TSNARE1: variants seen among roughly 807,000 people sequenced by gnomAD.
TSNARE1 encodes t-SNARE domain containing 1.
TSNARE1 carries 49 observed loss-of-function variants against 62.0 expected under a neutral mutation model. The ratio of observed to expected loss-of-function variants is 0.79; its 90% CI spans 0.63 to 1.00. TSNARE1 has a LOEUF of 1.00. Ranked by LOEUF, TSNARE1 falls within the 50% of genes least tolerant of loss-of-function variation. The pLI is 0.00. For synonymous variants in TSNARE1, 328 were observed against 294.4 expected (o/e 1.11, Z -1.17); for missense variants, 755 against 700.1 (o/e 1.08, Z -0.88).
At chr8:142,313,029 T>C (rs1193866309) in intron 9 of TSNARE1, among the ~76,000 whole-genome samples, 1 of 152,236 alleles carries the variant, frequency 6.6e-6, no homozygotes, top group Non-Finnish European at 1.5e-5. Context: ...GGTGTCTATC[T>C]GCATGTGTCT....
chr8:142,271,709 G>A, intron 12 of TSNARE1: 1 of 1,354,498 alleles, frequency 7.4e-7, no homozygotes, highest in African/African-American at 1.5e-5. Context: ...AGGGAGACAG[G>A]AAAATGTCAG....
At chr8:142,374,560 T>A (rs1001463110) in intron 1 of TSNARE1, among the ~76,000 whole-genome samples, 3 of 151,128 alleles carry the variant, frequency 2.0e-5, no homozygotes, top group Admixed American at 6.6e-5. Context: ...GCGCCTGTAG[T>A]CCCAGGCTAC....
At chr8:142,318,718 G>T (rs1828977801) in intron 6 of TSNARE1, 84 bp from the exon 7 acceptor site, 1 of 1,347,334 alleles carries the variant, frequency 7.4e-7, no homozygotes, top group South Asian at 1.2e-5. Flanking sequence ...AGCAAGCAGG[G>T]ACGCACGGGC....
At chr8:142,317,884 G>T (rs1828829296) in intron 7 of TSNARE1, among the ~76,000 whole-genome samples, 1 of 152,194 alleles carries the variant, frequency 6.6e-6, no homozygotes, top group Non-Finnish European at 1.5e-5. Context: ...CTTGAACCCT[G>T]GGGGCAGAAG....
intron 9 of TSNARE1, among the ~76,000 whole-genome samples, chr8:142,303,081 A>T (rs1826037593): frequency 6.6e-6 from 1 of 152,112 alleles, no homozygotes; most frequent in African/African-American, 2.4e-5. Context: ...GGCTCACAGG[A>T]CCTGCTCTGC....
intron 5 of TSNARE1, 143 bp downstream of exon 5, chr8:142,331,611 G>C (rs568870990): frequency 1.9e-5 from 14 of 751,846 alleles, no homozygotes; most frequent in South Asian, 1.3e-4. Flanking sequence ...ATCCAACGTC[G>C]CATCAGTGGA....
intron 12 of TSNARE1, among the ~76,000 whole-genome samples, chr8:142,253,489 C>T (rs1367956996): frequency 1.3e-5 from 2 of 148,934 alleles, no homozygotes; most frequent in East Asian, 4.0e-4. Flanking sequence ...CCCCCAGTCA[C>T]CAGCTCCAGT....
chr8:142,305,547 G>A (rs1179952481), intron 9 of TSNARE1, among the ~76,000 whole-genome samples: 1 of 152,192 alleles, frequency 6.6e-6, no homozygotes, highest in Non-Finnish European at 1.5e-5. Flanking sequence ...CACAGCGGGA[G>A]GATCGGGGGC....
At position 142,270,888 on chromosome 8, in the gene TSNARE1, C is replaced by A. The variant is rs192668275; in HGVS notation, c.1446+3893G>T. The A allele has an allele frequency of 9.8e-3, 9,630 of 985,574 alleles. 57 individuals are homozygous for A. The highest frequency in any genetic ancestry group is 0.011 in the Non-Finnish European group (8,971 of 830,034). 61.1% of individuals were successfully genotyped at this position (985,574 alleles called of 1,614,324 possible). On this transcript the variant is annotated intron_variant, in intron 12 of 13. Transcript: ENST00000524325. ...TGCAGCCTTTCCCTGCAGGTCACCA[C>A]CCTCTACAGGCAATGGCAAGGACGC...
intron 9 of TSNARE1, among the ~76,000 whole-genome samples, chr8:142,309,179 A>T (rs1404730473): frequency 6.6e-6 from 1 of 152,202 alleles, no homozygotes; most frequent in Non-Finnish European, 1.5e-5. Flanking sequence ...AGCACGCTAC[A>T]GGTGCGTTCG....
In TSNARE1 at chr8:142,357,857, G is replaced by A. The variant is rs117449392; in HGVS notation, c.-39-3094C>T. Among the ~76,000 whole-genome samples, 831 of 152,296 alleles carry A rather than the reference G, an allele frequency of 5.5e-3. 23 individuals are homozygous for A. The South Asian group carries it at 0.075, about 14-fold the overall frequency. ...GCCCCACAGACAACACAGGAGATGG[G>A]GACGAGTCAGGGGGATGTTAACCAG... is the stretch of plus-strand genomic sequence containing the variant. On this transcript the variant is annotated intron_variant, in intron 1 of 13. Transcript: ENST00000524325.
chr8:142,250,895 C>T (rs1188938439), intron 12 of TSNARE1, among the ~76,000 whole-genome samples: 1 of 152,180 alleles, frequency 6.6e-6, no homozygotes, highest in East Asian at 1.9e-4. Flanking sequence ...CTGTGCCTCT[C>T]GGAGAGGGAT....
intron 12 of TSNARE1, among the ~76,000 whole-genome samples, chr8:142,230,116 G>T (rs1201961597): frequency 6.6e-6 from 1 of 152,194 alleles, no homozygotes; most frequent in African/African-American, 2.4e-5. Context: ...AAGGTCTCAT[G>T]GAAGAGAAAG....
At chr8:142,375,957 T>C (rs1836301736) in intron 1 of TSNARE1, among the ~76,000 whole-genome samples, 1 of 152,270 alleles carries the variant, frequency 6.6e-6, no homozygotes, top group South Asian at 2.1e-4. Flanking sequence ...CTCCTAGATC[T>C]GGCTGCCCCT....
At chr8:142,378,962 A>G (rs116288744) in intron 1 of TSNARE1, among the ~76,000 whole-genome samples, 1,792 of 152,198 alleles carry the variant, frequency 0.012, 21 homozygotes, top group African/African-American at 0.027. Flanking sequence ...CCTTCCCACC[A>G]GCAGGCTCTG....
intron 1 of TSNARE1, among the ~76,000 whole-genome samples, chr8:142,392,702 A>G (rs966854433): frequency 6.6e-5 from 10 of 152,154 alleles, no homozygotes; most frequent in Non-Finnish European, 1.3e-4. Flanking sequence ...CAGGAGGCCG[A>G]GGTGGGCGGA....
At chr8:142,386,625 G>A (rs918834760) in intron 1 of TSNARE1, among the ~76,000 whole-genome samples, 1 of 152,046 alleles carries the variant, frequency 6.6e-6, no homozygotes, top group African/African-American at 2.4e-5. Flanking sequence ...AAAATAATTC[G>A]GTAGAGTTAA....
At chr8:142,337,647 G>C (rs373718472) in intron 4 of TSNARE1, among the ~76,000 whole-genome samples, 1 of 152,218 alleles carries the variant, frequency 6.6e-6, no homozygotes, top group Non-Finnish European at 1.5e-5. Flanking sequence ...CTACTGCTGG[G>C]GGTCCACGGT....
chr8:142,405,060 C>T (rs979930216), upstream of TSNARE1: 7 of 152,278 alleles, frequency 4.6e-5, no homozygotes, highest in African/African-American at 1.7e-4. Flanking sequence ...CCTGTTGGCT[C>T]CTCCGAAATC....
Sources: gnomAD v4.1 joint callset for allele counts (sites outside exome capture counted in the v4.1 genomes callset) on GRCh38, gnomAD v4.1.1 for gene constraint, MANE v1.5 for transcripts, NCBI Gene and HGNC (gene_info 2026-07-23, HGNC 2026-07-21) for gene names.